The following WDR77 variants were observed in gnomAD, a reference collection of about 807,000 sequenced individuals.
WDR77 encodes the protein WD repeat domain 77.
In WDR77, 31 loss-of-function variants were observed where a neutral mutation model predicts 44.0. The ratio of observed to expected loss-of-function variants is 0.70; its 90% CI spans 0.53 to 0.95. The LOEUF (loss-of-function observed/expected upper bound fraction) is 0.95. Among genes scored for constraint, WDR77 ranks in the 40% least tolerant of loss-of-function variants. The probability of loss-of-function intolerance (pLI) is 0.00; values close to 1 mark genes in which losing one functional copy is unlikely to be tolerated. For synonymous variants in WDR77, 186 were observed against 165.7 expected (o/e 1.12, Z -0.94); for missense variants, 390 against 423.9 (o/e 0.92, Z 0.70).
Position 111,441,400 on chromosome 1 carries a change from G to A in WDR77, c.870-11C>T, listed in dbSNP as rs1557791601. On this transcript the variant is annotated splice_polypyrimidine_tract_variant and intron_variant, in intron 9 of 9. Coordinates refer to ENST00000235090, the MANE Select transcript of WDR77 (RefSeq NM_024102.4). Reference sequence around the variant, plus strand: ...GCTTGGCTTCTAAACCTAGAAGAAAGAAAAAAAGTCGGGGCAGAGTAGAGA... The same window carrying A: ...GCTTGGCTTCTAAACCTAGAAGAAAAAAAAAAAGTCGGGGCAGAGTAGAGA... 6.7e-7 allele frequency: 1 copy of A among 1,484,710 alleles called. No individual in the cohort carries two copies. Among genetic ancestry groups the A allele is most frequent in the Admixed American group, 2.3e-5 (1 of 42,726 alleles). 92.0% of individuals were successfully genotyped at this position (1,484,710 alleles called of 1,614,324 possible). A position where few individuals can be genotyped will look rare whatever the true frequency, so the allele number is the denominator to read the frequency against.
rs1383735252 is a variant in WDR77 at position 111,449,086 on chromosome 1, T to A, written c.84A>T (p.Glu28Asp). ...NLPPNAPACM[E>D]RQLEAARYRS... ...GGTACCGCGCAGCCTCCAACTGCCG[T>A]TCCATGCAGGCGGGCGCATTTGGGG... Residue 28 changes from glutamate (E) to aspartate (D), a missense_variant, in exon 1 of 10, where the codon GAA becomes GAT. Glu to Asp is a conservative substitution (Grantham distance 45). Coordinates refer to ENST00000235090, the MANE Select transcript of WDR77 (RefSeq NM_024102.4). 6.2e-7 allele frequency: 1 copy of A among 1,604,442 alleles called. No individual in the cohort carries two copies. The highest frequency in any genetic ancestry group is 2.2e-5 in the East Asian group (1 of 44,612).
intron 9 of WDR77, chr1:111,441,686 G>T: frequency 1.1e-6 from 1 of 929,538 alleles, no homozygotes; most frequent in Non-Finnish European, 1.4e-6. Context: ...AGGTCTTCCA[G>T]GTGCTGCCTT....
Position 111,449,181 on chromosome 1 carries a change from C to T in WDR77, c.-12G>A. 6.4e-7 allele frequency: 1 copy of T among 1,565,832 alleles called. No homozygotes were observed. The highest frequency in any genetic ancestry group is 8.6e-7 in the Non-Finnish European group (1 of 1,162,358). ...GTTTCCTTCCGCATCTCCACGGTTC[C>T]AACTCCAACCTAGACTCAAACTGGA... is the stretch of plus-strand genomic sequence containing the variant. On this transcript the variant is annotated 5_prime_UTR_variant, in exon 1 of 10. Transcript: ENST00000235090.
At chr1:111,448,144 AAACTTCCATGCAATGCCGGCCAACTT>A (rs1653128352) in intron 2 of WDR77, among the ~76,000 whole-genome samples, 1 of 152,076 alleles carries the variant, frequency 6.6e-6, no homozygotes, top group African/African-American at 2.4e-5. Context: ...CTGGGACTTT[AAACTTCCATGCAATGCCGGCCAACTT>A]CCAAATTCTG....
At chr1:111,445,188 A>C (rs1275666208) in intron 4 of WDR77, among the ~76,000 whole-genome samples, 1 of 152,166 alleles carries the variant, frequency 6.6e-6, no homozygotes, top group Non-Finnish European at 1.5e-5. Flanking sequence ...ACATGTAAAA[A>C]ACTTTAAAGT....
intron 1 of WDR77, 78 bp from the exon 2 acceptor site, chr1:111,448,882 G>C (rs1436516575): frequency 6.5e-7 from 1 of 1,546,070 alleles, no homozygotes; most frequent in Non-Finnish European, 8.7e-7. Flanking sequence ...ACAGCGTTCC[G>C]GCCGGGTCTG....
In WDR77 at chr1:111,440,164, C is replaced by G. The variant is rs1296554595; in HGVS notation, c.*1066G>C. The G allele has an allele frequency of 6.6e-6, 1 of 152,216 alleles. No homozygotes were observed. The highest frequency in any genetic ancestry group is 2.4e-5 in the African/African-American group (1 of 41,410). 9.4% of individuals were successfully genotyped at this position (152,216 alleles called of 1,614,324 possible). On this transcript the variant is annotated 3_prime_UTR_variant, in exon 10 of 10. Transcript: ENST00000235090. ...AGTTCTAACTAGCTACTTTGGGAAG[C>G]TGGGGAAGCACAGGAAAAATAATGG...
chr1:111,443,897 T>C lies in WDR77; in HGVS notation c.589A>G (p.Thr197Ala), dbSNP rs773966655. The change falls in exon 6 of 10, where the codon ACC (threonine) becomes GCC (alanine). Residue 197 changes from threonine to alanine, a missense_variant. Coordinates refer to ENST00000235090, the MANE Select transcript of WDR77 (RefSeq NM_024102.4). ...SEDNRILLWD[T>A]RCPKPASQIG... ...TGTGATGCTGGCTTGGGACAGCGGG[T>C]ATCCCAGAGTAAAATTCTATTGTCC... The C allele has an allele frequency of 6.2e-7, 1 of 1,614,122 alleles. No individual in the cohort carries two copies. The highest frequency in any genetic ancestry group is 1.1e-5 in the South Asian group (1 of 91,080).
chr1:111,443,996 G>A (rs1003137740), intron 5 of WDR77, 58 bp downstream of exon 5: 1 of 1,613,462 alleles, frequency 6.2e-7, no homozygotes, highest in African/African-American at 1.3e-5. Context: ...CTCCCCACTA[G>A]AGACTTTGGC....
intron 9 of WDR77, chr1:111,441,754 C>T (rs1449155020): frequency 1.1e-5 from 7 of 634,658 alleles, no homozygotes; most frequent in Middle Eastern, 4.6e-4. Context: ...GGTAGACTGC[C>T]GCCCCCTTGT....
At chr1:111,448,469 A>C (rs755080201) in intron 2 of WDR77, 150 bp downstream of exon 2, 5 of 848,068 alleles carry the variant, frequency 5.9e-6, no homozygotes, top group Non-Finnish European at 9.3e-6. Flanking sequence ...TCCCACCTAC[A>C]CAAGAGTTTG....
rs933989864 is a variant in WDR77 at position 111,449,194 on chromosome 1, G to A, written c.-25C>T. The stretch of plus-strand genomic sequence containing the variant: ...TCTCCACGGTTCCAACTCCAACCTA[G>A]ACTCAAACTGGACGCCGGCCGGAGA... On this transcript the variant is annotated 5_prime_UTR_variant, in exon 1 of 10. Coordinates refer to ENST00000235090, the MANE Select transcript of WDR77 (RefSeq NM_024102.4). 1.9e-6 allele frequency: 3 copies of A among 1,553,698 alleles called. No individual in the cohort carries two copies. The East Asian group carries it at 7.1e-5, about 37-fold the overall frequency.
intron 6 of WDR77, 66 bp from the exon 7 acceptor site, chr1:111,443,460 T>C: frequency 1.4e-6 from 2 of 1,465,364 alleles, no homozygotes; most frequent in Non-Finnish European, 1.9e-6. Flanking sequence ...TCTCAAATGA[T>C]ATCACTCTAA....
chr1:111,440,254 T>C lies in WDR77; in HGVS notation c.*976A>G, dbSNP rs1652751181. On this transcript the variant is annotated 3_prime_UTR_variant, in exon 10 of 10. Transcript: ENST00000235090. ...TATATCTAACTACACATAACACACA[T>C]GCTTCAAAAAAGACAGGCCAACAAT... 6.6e-6 allele frequency: 1 copy of C among 152,224 alleles called. No homozygotes were observed. The highest frequency in any genetic ancestry group is 2.4e-5 in the African/African-American group (1 of 41,460). 9.4% of individuals were successfully genotyped at this position (152,224 alleles called of 1,614,324 possible).
rs748739413 is a variant in WDR77 at position 111,441,263 on chromosome 1, G to A, written c.996C>T (p.Leu332=). 1.9e-6 allele frequency: 3 copies of A among 1,577,188 alleles called. No individual in the cohort carries two copies. The Admixed American group carries it at 5.5e-5, about 29-fold the overall frequency. The part of the protein sequence containing the change: ...VVHHVVPTEP[L]PAPGPASVTE ...TAACACTTGCAGGTCCAGGGGCTGG[G>A]AGAGGTTCTGTGGGCACAACGTGGT... The change falls in exon 10 of 10, where the codon CTC becomes CTT. Residue 332 remains leucine, a synonymous_variant. Transcript: ENST00000235090.
chr1:111,446,972 T>G (rs938710074), intron 4 of WDR77, 123 bp downstream of exon 4: 6 of 982,224 alleles, frequency 6.1e-6, no homozygotes, highest in Non-Finnish European at 9.4e-6. Context: ...TACCGGAGCC[T>G]GACTATTGTT....
chr1:111,443,701 A>C (rs1652906880), intron 6 of WDR77, 166 bp downstream of exon 6: 1 of 985,290 alleles, frequency 1.0e-6, no homozygotes. Flanking sequence ...TATTCATTGC[A>C]CAGAATGGGG....
rs1212998354 is a variant in WDR77 at position 111,443,713 on chromosome 1, T to TCTTTTCC, written c.619+153_619+154insGGAAAAG. On this transcript the variant is annotated intron_variant, in intron 6 of 9. Transcript: ENST00000235090. The stretch of plus-strand genomic sequence containing the variant: ...TGGTATTCATTGCACAGAATGGGGT[T>TCTTTTCC]AGCAGAGCCTCACTGGAAAAGAAGG... 95 of 985,438 alleles carry TCTTTTCC rather than the reference T, an allele frequency of 9.6e-5. No individual in the cohort carries two copies. The African/African-American group carries it at 1.6e-3, about 17-fold the overall frequency. 61.0% of individuals were successfully genotyped at this position (985,438 alleles called of 1,614,324 possible). A position where few individuals can be genotyped will look rare whatever the true frequency, so the allele number is the denominator to read the frequency against.
chr1:111,446,940 T>G, intron 4 of WDR77, 155 bp downstream of exon 4: 1 of 726,630 alleles, frequency 1.4e-6, no homozygotes, highest in Non-Finnish European at 2.3e-6. Context: ...ACAAGGAAAT[T>G]GAGAAAAGGA....
Sources: allele counts gnomAD v4.1 joint callset (sites outside exome capture counted in the v4.1 genomes callset), GRCh38; gene constraint gnomAD v4.1.1; transcripts MANE v1.5; gene names NCBI Gene and HGNC (gene_info 2026-07-23, HGNC 2026-07-21).